The following KCNC4 variants were observed in gnomAD, a reference collection of about 807,000 sequenced individuals.
KCNC4 encodes the protein potassium voltage-gated channel subfamily C member 4.
In KCNC4, 23 loss-of-function variants were observed where a neutral mutation model predicts 42.8. The ratio of observed to expected loss-of-function variants is 0.54; its 90% CI spans 0.39 to 0.76. The LOEUF is 0.76. Among genes scored for constraint, KCNC4 ranks in the 30% least tolerant of loss-of-function variants. KCNC4 has a pLI of 0.00. For missense variants in KCNC4, 751 were observed against 898.2 expected (o/e 0.84, Z 2.10); for synonymous variants, 422 against 393.5 (o/e 1.07, Z -0.86).
chr1:110,250,214 A>G (rs957412303), downstream of KCNC4, among the ~76,000 whole-genome samples: 10 of 151,962 alleles, frequency 6.6e-5, no homozygotes, highest in African/African-American at 2.4e-4. Flanking sequence ...GCTAATGCCT[A>G]CTTAGCTCAA....
intron 1 of KCNC4, among the ~76,000 whole-genome samples, chr1:110,271,943 C>A (rs1280997854): frequency 6.6e-6 from 1 of 152,170 alleles, no homozygotes; most frequent in East Asian, 1.9e-4. Context: ...CCCATAATTA[C>A]CCCATATTCC....
chr1:110,213,852 TGGG>T (rs1454104642), intron 1 of KCNC4, among the ~76,000 whole-genome samples: 21 of 151,668 alleles, frequency 1.4e-4, no homozygotes, highest in Non-Finnish European at 5.9e-5. Context: ...CTTTCAAAGT[TGGG>T]GGTCGGGGAG....
chr1:110,270,075 G>A (rs1659612005), intron 1 of KCNC4, among the ~76,000 whole-genome samples: 1 of 152,160 alleles, frequency 6.6e-6, no homozygotes, highest in Admixed American at 6.5e-5. Context: ...AGGTTGCTTG[G>A]CAGTTTCTAG....
intron 1 of KCNC4, among the ~76,000 whole-genome samples, chr1:110,258,172 A>C (rs1364227198): frequency 6.6e-6 from 1 of 152,226 alleles, no homozygotes; most frequent in African/African-American, 2.4e-5. Flanking sequence ...AAATGGAGAT[A>C]CTATTCATAT....
chr1:110,234,671 C>T (rs968685821), downstream of KCNC4: 2 of 152,162 alleles, frequency 1.3e-5, no homozygotes, highest in African/African-American at 4.8e-5. Context: ...TCAGAAGGGC[C>T]CCATGCTGGG....
chr1:110,245,491 A>G (rs1023091559), exon 4 of KCNC4: 1 of 152,212 alleles, frequency 6.6e-6, no homozygotes, highest in Non-Finnish European at 1.5e-5. Flanking sequence ...AGAAGCTAGA[A>G]GACTTATCTC....
chr1:110,257,593 C>T (rs1343687236), intron 1 of KCNC4, among the ~76,000 whole-genome samples: 2 of 151,672 alleles, frequency 1.3e-5, no homozygotes, highest in African/African-American at 2.4e-5. Context: ...AGGTGGCGGG[C>T]GCCTGTAGTC....
chr1:110,211,758 A>T lies in KCNC4; in HGVS notation c.259A>T (p.Ser87Cys). ...DGGGVGSSGS[S>C]GGGGCEFFFD... Reference sequence around the variant, plus strand: ...CGGCGGTGTGGGTAGCAGCGGCAGCAGCGGCGGCGGGGGCTGCGAGTTCTT... The same window carrying T: ...CGGCGGTGTGGGTAGCAGCGGCAGCTGCGGCGGCGGGGGCTGCGAGTTCTT... Residue 87 changes from serine (S) to cysteine (C), a missense_variant, in exon 1 of 4, where the codon AGC becomes TGC. Ser to Cys is a moderately radical substitution (Grantham distance 112). Transcript: ENST00000438661. This position sits in a 1 kb window ranked among gnomAD's most constrained non-coding sequence, Gnocchi z 6.5. The T allele has an allele frequency of 6.2e-7, 1 of 1,609,560 alleles. No homozygotes were observed. Among genetic ancestry groups the T allele is most frequent in the Non-Finnish European group, 8.5e-7 (1 of 1,178,916 alleles).
chr1:110,241,878 C>T (rs571317164), exon 4 of KCNC4: 1 of 152,220 alleles, frequency 6.6e-6, no homozygotes, highest in South Asian at 2.1e-4. Context: ...TTTATGGATG[C>T]TTTCCTTATT....
intron 3 of KCNC4, among the ~76,000 whole-genome samples, chr1:110,226,827 C>T (rs189526416): frequency 4.8e-4 from 73 of 152,306 alleles, no homozygotes; most frequent in African/African-American, 1.7e-3. Context: ...GCAGCCCATC[C>T]TCTGCTTGTC....
At chr1:110,281,549 T>C (rs1043325440) in intron 1 of KCNC4, among the ~76,000 whole-genome samples, 1 of 87,726 alleles carries the variant, frequency 1.1e-5, no homozygotes, top group African/African-American at 4.5e-5. Flanking sequence ...TCCCCACATA[T>C]GTAAAAACAC....
At chr1:110,267,682 GT>G (rs1474868665) in intron 1 of KCNC4, among the ~76,000 whole-genome samples, 1 of 152,108 alleles carries the variant, frequency 6.6e-6, no homozygotes, top group Non-Finnish European at 1.5e-5. Context: ...CACTTCCTAT[GT>G]ATCTCACCAC....
exon 4 of KCNC4, chr1:110,241,326 G>A (rs1206258087): frequency 6.6e-6 from 1 of 152,136 alleles, no homozygotes; most frequent in Non-Finnish European, 1.5e-5. Flanking sequence ...AAAGTATTTT[G>A]TGTCAGTCAT....
At chr1:110,269,451 C>T (rs1053668194) in intron 1 of KCNC4, among the ~76,000 whole-genome samples, 4 of 152,318 alleles carry the variant, frequency 2.6e-5, no homozygotes, top group African/African-American at 9.6e-5. Flanking sequence ...TGGCTTCTTT[C>T]ACTCAGAGAG....
chr1:110,270,102 T>A (rs1302385280), intron 1 of KCNC4, among the ~76,000 whole-genome samples: 1 of 152,210 alleles, frequency 6.6e-6, no homozygotes, highest in African/African-American at 2.4e-5. Context: ...GAGCTACTGA[T>A]GCTCCATCCT....
At chr1:110,245,508 G>A (rs1342395700) in exon 4 of KCNC4, 2 of 152,186 alleles carry the variant, frequency 1.3e-5, no homozygotes, top group African/African-American at 4.8e-5. Context: ...TCTCCGGTCA[G>A]TGTTTTCAAC....
intron 1 of KCNC4, chr1:110,221,097 C>G (rs1193881673): frequency 6.6e-6 from 1 of 152,228 alleles, no homozygotes; most frequent in Non-Finnish European, 1.5e-5. Flanking sequence ...CTGAGGCACA[C>G]TTTCCCACGG....
At position 110,210,628 on chromosome 1, in the gene KCNC4, G is replaced by T. The variant is rs1476044932; in HGVS notation, c.-872G>T. Among the ~76,000 whole-genome samples, 1 of 151,374 alleles carries T rather than the reference G, an allele frequency of 6.6e-6. No homozygotes were observed. The highest frequency in any genetic ancestry group is 1.5e-5 in the Non-Finnish European group (1 of 67,786). On this transcript the variant is annotated 5_prime_UTR_variant, in exon 1 of 4. Transcript: ENST00000438661. ...ACACCTTCGCCAGTGCCCAGAGCCC[G>T]GCTCCCCAGAGCGGCCCCGCCCCCC... is the stretch of plus-strand genomic sequence containing the variant.
chr1:110,277,706 G>T (rs1223428711), intron 1 of KCNC4, among the ~76,000 whole-genome samples: 1 of 152,248 alleles, frequency 6.6e-6, no homozygotes, highest in Non-Finnish European at 1.5e-5. Flanking sequence ...CAGGAGAGGG[G>T]ACAGAAGCAG....
Sources: gnomAD v4.1 joint callset for allele counts (sites outside exome capture counted in the v4.1 genomes callset) on GRCh38, gnomAD v4.1.1 for gene constraint, Gnocchi (gnomAD v3.1) non-coding constraint, MANE v1.5 for transcripts, NCBI Gene and HGNC (gene_info 2026-07-23, HGNC 2026-07-21) for gene names.